Variants in CLASP2 observed in about 807,000 individuals in gnomAD.
CLASP2 encodes the protein cytoplasmic linker associated protein 2, also known as CLIP-associating protein 2.
In CLASP2, 47 loss-of-function variants were observed where a neutral mutation model predicts 194.4. The ratio of observed to expected loss-of-function variants is 0.24; its 90% CI spans 0.19 to 0.31. The LOEUF (loss-of-function observed/expected upper bound fraction) is 0.31, where lower values mean the gene tolerates loss of function less well. Ranked by LOEUF, CLASP2 falls within the 10% of genes least tolerant of loss-of-function variation. CLASP2 has a pLI of 1.00. For synonymous variants in CLASP2, 619 were observed against 633.5 expected, an observed-to-expected ratio of 0.98 and a Z score of 0.34; for missense variants, 1,445 against 1,823.6, an observed-to-expected ratio of 0.79 and a Z score of 3.78.
At chr3:33,525,029 CAAAG>C (rs1394213254) in intron 34 of CLASP2, among the ~76,000 whole-genome samples, 1 of 152,078 alleles carries the variant, frequency 6.6e-6, no homozygotes, top group Non-Finnish European at 1.5e-5. Flanking sequence ...TGTTGGGACA[CAAAG>C]TAAGTTTCAA....
At chr3:33,692,708 T>C (rs2091481132) in intron 2 of CLASP2, among the ~76,000 whole-genome samples, 1 of 152,202 alleles carries the variant, frequency 6.6e-6, no homozygotes, top group East Asian at 1.9e-4. Flanking sequence ...AAGCCCATGA[T>C]CATTGAATTA....
At chr3:33,580,608 A>G (rs186425829) in intron 23 of CLASP2, among the ~76,000 whole-genome samples, 1 of 152,210 alleles carries the variant, frequency 6.6e-6, no homozygotes, top group East Asian at 1.9e-4. Flanking sequence ...ATACTACCAT[A>G]TGTATCTGAG....
At chr3:33,716,145 G>A (rs1170196076) in intron 1 of CLASP2, among the ~76,000 whole-genome samples, 1 of 152,134 alleles carries the variant, frequency 6.6e-6, no homozygotes, top group African/African-American at 2.4e-5. Flanking sequence ...AAGATTATAT[G>A]GTCACAGCTA....
intron 1 of CLASP2, among the ~76,000 whole-genome samples, chr3:33,706,210 C>T (rs957884799): frequency 7.9e-5 from 12 of 152,000 alleles, no homozygotes; most frequent in Admixed American, 4.6e-4. Flanking sequence ...ATGGTGCCAC[C>T]GCACTCTAAC....
rs773243902 is a variant in CLASP2, at chr3:33,632,252, C to A, written c.942+40G>T. 6 of 1,298,848 alleles carry A rather than the reference C, an allele frequency of 4.6e-6. No homozygotes were observed. The South Asian group carries it at 8.6e-5, about 19-fold the overall frequency. The allele number at this position is 1,298,848 out of a possible 1,614,324, so 80.5% of individuals were successfully genotyped here. A position where few individuals can be genotyped will look rare whatever the true frequency, so the allele number is the denominator to read the frequency against. ...AGACAAATAATTATATGAACAGGCA[C>A]ACAGGCAATATTCACGGGGAGTGCC... On this transcript the variant is annotated intron_variant, in intron 9 of 38. Coordinates refer to ENST00000682230, the MANE Select transcript of CLASP2 (RefSeq NM_001365631.1).
At chr3:33,689,691 C>T in intron 3 of CLASP2, 138 bp downstream of exon 3, 1 of 526,946 alleles carries the variant, frequency 1.9e-6, no homozygotes, top group East Asian at 3.3e-5. Context: ...AACATTGACA[C>T]TGTATCTTAA....
chr3:33,696,353 C>CA (rs1413385570), intron 2 of CLASP2, among the ~76,000 whole-genome samples: 6 of 52,728 alleles, frequency 1.1e-4, no homozygotes, highest in African/African-American at 4.7e-4. Flanking sequence ...TTCTTTCTTT[C>CA]TTTTTTTTTT....
intron 34 of CLASP2, among the ~76,000 whole-genome samples, chr3:33,519,282 T>C (rs2154105622): frequency 6.6e-6 from 1 of 152,324 alleles, no homozygotes; most frequent in African/African-American, 2.4e-5. Context: ...TAGAATATTA[T>C]AGTTCCTAGT....
chr3:33,569,572 C>T (rs1296331648), intron 26 of CLASP2, among the ~76,000 whole-genome samples: 1 of 152,104 alleles, frequency 6.6e-6, no homozygotes, highest in African/African-American at 2.4e-5. Context: ...CAGCTGTAAT[C>T]AGTGATAGCA....
In CLASP2 at chr3:33,612,006, C is replaced by T. The variant is rs747198297; in HGVS notation, c.1383G>A (p.Val461=). 6.2e-7 allele frequency: 1 copy of T among 1,605,734 alleles called. No individual in the cohort carries two copies. Among genetic ancestry groups the T allele is most frequent in the South Asian group, 1.1e-5 (1 of 89,964 alleles). ...CAACAAAAAATTAAACTTACCTCCT[C>T]ACGGGAACTGATTTTGATGTGCAAT... ...TSNCTSKSVP[V]RRRSFEFLDL... Residue 461 remains valine, a synonymous_variant, in exon 13 of 39, where the codon GTG becomes GTA. Transcript: ENST00000682230.
At chr3:33,697,824 G>C (rs540915117) in intron 1 of CLASP2, among the ~76,000 whole-genome samples, 4 of 152,244 alleles carry the variant, frequency 2.6e-5, no homozygotes, top group Admixed American at 6.5e-5. Flanking sequence ...CAAAGACATG[G>C]GACACAGGCA....
At chr3:33,598,338 CTCT>C (rs2071059395) in intron 18 of CLASP2, among the ~76,000 whole-genome samples, 1 of 152,158 alleles carries the variant, frequency 6.6e-6, no homozygotes, top group African/African-American at 2.4e-5. Context: ...CCCAATCACA[CTCT>C]TCTTAATGTC....
chr3:33,539,145 C>T (rs2057895498), intron 32 of CLASP2, among the ~76,000 whole-genome samples: 1 of 152,132 alleles, frequency 6.6e-6, no homozygotes, highest in Non-Finnish European at 1.5e-5. Context: ...CTTACAGTTA[C>T]TCTAGAATGC....
intron 9 of CLASP2, 134 bp downstream of exon 9, chr3:33,632,158 G>T: frequency 5.9e-6 from 3 of 508,186 alleles, no homozygotes. Context: ...ATAATGGCTT[G>T]GTATTAATAA....
chr3:33,635,863 T>C (rs549922798), intron 8 of CLASP2, among the ~76,000 whole-genome samples: 2 of 152,194 alleles, frequency 1.3e-5, no homozygotes, highest in African/African-American at 2.4e-5. Context: ...AAATTACCCA[T>C]AGCCCTTGCT....
intron 27 of CLASP2, among the ~76,000 whole-genome samples, chr3:33,566,024 T>C (rs116010031): frequency 0.012 from 1,834 of 152,262 alleles, 40 homozygotes; most frequent in African/African-American, 0.042. Flanking sequence ...TACTTACATA[T>C]ACATGCATAC....
chr3:33,699,214 G>C (rs2092192453), intron 1 of CLASP2, among the ~76,000 whole-genome samples: 2 of 151,870 alleles, frequency 1.3e-5, no homozygotes, highest in African/African-American at 2.4e-5. Flanking sequence ...GAAGGGGAGA[G>C]ACAAAGCATT....
chr3:33,526,065 C>A (rs114246642), intron 34 of CLASP2, among the ~76,000 whole-genome samples: 1,880 of 152,008 alleles, frequency 0.012, 12 homozygotes, highest in Middle Eastern at 0.045. Context: ...GGGCAGGCTG[C>A]TGCTGCTGCT....
At chr3:33,636,030 A>G (rs1298549239) in intron 8 of CLASP2, among the ~76,000 whole-genome samples, 2 of 152,238 alleles carry the variant, frequency 1.3e-5, no homozygotes, top group Non-Finnish European at 2.9e-5. Flanking sequence ...TAGTTGTATA[A>G]CGTAGACACC....
Sources: gnomAD v4.1 joint callset for allele counts (sites outside exome capture counted in the v4.1 genomes callset) on GRCh38, gnomAD v4.1.1 for gene constraint, MANE v1.5 for transcripts, NCBI Gene and HGNC (gene_info 2026-07-23, HGNC 2026-07-21) for gene names.